The following ZNF410 variants were observed in gnomAD, a reference collection of about 807,000 sequenced individuals.
ZNF410 encodes zinc finger protein 410.
A neutral mutation model predicts 54.8 loss-of-function variants in ZNF410; 18 were observed. The observed-to-expected ratio is 0.33, with a 90% confidence interval of 0.23 to 0.49. The LOEUF (loss-of-function observed/expected upper bound fraction) is 0.49, where lower values mean the gene tolerates loss of function less well. ZNF410 is among the 20% of genes least tolerant of loss of function. The pLI is 0.99. For synonymous variants in ZNF410, 191 were observed against 207.3 expected (o/e 0.92, Z 0.68); for missense variants, 405 against 569.6 (o/e 0.71, Z 2.94).
intron 7 of ZNF410, 35 bp downstream of exon 7, chr14:73,905,118 G>A (rs1444641628): frequency 6.3e-7 from 1 of 1,588,484 alleles, no homozygotes; most frequent in Admixed American, 1.8e-5. Context: ...TGGGCAGTCT[G>A]CTCCTTGGCT....
chr14:73,895,681 C>G (rs2055306481), intron 3 of ZNF410, among the ~76,000 whole-genome samples: 1 of 152,060 alleles, frequency 6.6e-6, no homozygotes, highest in Admixed American at 6.5e-5. Flanking sequence ...CACAATATTA[C>G]AGGCCGGGCG....
chr14:73,914,355 G>C (rs1175043655), intron 8 of ZNF410: 1 of 152,220 alleles, frequency 6.6e-6, no homozygotes, highest in Non-Finnish European at 1.5e-5. Flanking sequence ...TGTATTTTTG[G>C]TAGGGACGGG....
At position 73,904,061 on chromosome 14, in the gene ZNF410, C is replaced by T. The variant is rs891853400; in HGVS notation, c.682C>T (p.Arg228Trp). ...KLKCTVEGCD[R>W]TFVWPAHFKY... ...CAAGTGTACAGTTGAAGGTTGTGAC[C>T]GGACATTTGTATGGCCAGCTCACTT... Residue 228 changes from arginine (R) to tryptophan (W), a missense_variant, in exon 6 of 12, where the codon CGG becomes TGG. Arg to Trp is a moderately radical substitution (Grantham distance 101). Transcript: ENST00000555044. The T allele has an allele frequency of 1.2e-6, 2 of 1,613,978 alleles. No individual in the cohort carries two copies. The highest frequency in any genetic ancestry group is 1.7e-5 in the Admixed American group (1 of 59,976).
At chr14:73,918,188 G>T (rs2055698074) in intron 8 of ZNF410, among the ~76,000 whole-genome samples, 2 of 151,982 alleles carry the variant, frequency 1.3e-5, no homozygotes. Context: ...TTGGCTCAAT[G>T]AAACTTCCAC....
intron 5 of ZNF410, among the ~76,000 whole-genome samples, chr14:73,901,532 T>C (rs1267006145): frequency 6.6e-6 from 1 of 152,106 alleles, no homozygotes; most frequent in Non-Finnish European, 1.5e-5. Flanking sequence ...TGCCTTATTC[T>C]ATGTATTCAT....
rs574512551 is a variant in ZNF410, at chr14:73,909,536, A to C, written c.1003+106A>C. On this transcript the variant is annotated intron_variant, in intron 8 of 11. Transcript: ENST00000555044. Reference sequence around the variant, plus strand: ...ACTAAAAAGAAACAAACTGTTCACTATAAAGATAGAAAGCTTCTCATCATC... The same window carrying C: ...ACTAAAAAGAAACAAACTGTTCACTCTAAAGATAGAAAGCTTCTCATCATC... 4.1e-5 allele frequency: 36 copies of C among 874,098 alleles called. No homozygotes were observed. The Middle Eastern group carries it at 1.1e-3, about 28-fold the overall frequency. 54.1% of individuals were successfully genotyped at this position (874,098 alleles called of 1,614,324 possible). A position where few individuals can be genotyped will look rare whatever the true frequency, so the allele number is the denominator to read the frequency against.
intron 8 of ZNF410, among the ~76,000 whole-genome samples, chr14:73,910,479 C>T (rs1316947105): frequency 6.6e-6 from 1 of 152,136 alleles, no homozygotes; most frequent in Non-Finnish European, 1.5e-5. Flanking sequence ...CGTGGTGGCT[C>T]ACGCCTGTAA....
intron 9 of ZNF410, among the ~76,000 whole-genome samples, chr14:73,921,539 G>A (rs2055754585): frequency 6.6e-6 from 1 of 152,020 alleles, no homozygotes; most frequent in South Asian, 2.1e-4. Context: ...GTGCAGTGGC[G>A]CCATCTCGAC....
chr14:73,916,320 A>G (rs2055666493), intron 8 of ZNF410: 1 of 152,150 alleles, frequency 6.6e-6, no homozygotes, highest in African/African-American at 2.4e-5. Context: ...AGCTGGCACT[A>G]CAGGCGTCCA....
chr14:73,890,192 C>CT (rs35969764), intron 1 of ZNF410, among the ~76,000 whole-genome samples: 3,496 of 134,788 alleles, frequency 0.026, 46 homozygotes, highest in Middle Eastern at 0.077. Flanking sequence ...TATTCAGTTA[C>CT]TTTTTTTTTT....
At position 73,893,783 on chromosome 14, in the gene ZNF410, T is replaced by C; in HGVS notation, c.34-14T>C. ...ACAACTCGTATTTCTCAGTGTTGTC[T>C]TTTCTCCCCCCAGCTCCTGGTACAG... On this transcript the variant is annotated splice_polypyrimidine_tract_variant and intron_variant, in intron 2 of 11. Transcript: ENST00000555044. 1 of 1,591,266 alleles carries C rather than the reference T, an allele frequency of 6.3e-7. No homozygotes were observed.
At chr14:73,902,393 A>C (rs1191214421) in intron 5 of ZNF410, among the ~76,000 whole-genome samples, 1 of 152,126 alleles carries the variant, frequency 6.6e-6, no homozygotes, top group Non-Finnish European at 1.5e-5. Flanking sequence ...TCAAGTAAAC[A>C]CATTTTTAAA....
In ZNF410 at chr14:73,927,842, TTTTTTTAA is replaced by T. The variant is rs775506637; in HGVS notation, c.1399-3653_1399-3646del. ...ATTAATCAACCGGCAATTTTTTTTT[TTTTTTTAA>T]TTTTTTAGACGGAGTCTCACTCTGT... On this transcript the variant is annotated intron_variant, in intron 11 of 11. Coordinates refer to ENST00000555044, the MANE Select transcript of ZNF410 (RefSeq NM_021188.3). 192 of 154,032 alleles carry T rather than the reference TTTTTTTAA, an allele frequency of 1.2e-3. 7 individuals carry two copies. The South Asian group carries it at 0.031, about 25-fold the overall frequency. 9.5% of individuals were successfully genotyped at this position (154,032 alleles called of 1,614,324 possible).
At chr14:73,893,118 C>A (rs539017144) in intron 2 of ZNF410, among the ~76,000 whole-genome samples, 11 of 151,906 alleles carry the variant, frequency 7.2e-5, no homozygotes, top group Non-Finnish European at 1.5e-4. Flanking sequence ...TGGGTTAATG[C>A]GATAATTAAA....
chr14:73,919,327 C>A (rs923280223), intron 8 of ZNF410, among the ~76,000 whole-genome samples: 1 of 151,916 alleles, frequency 6.6e-6, no homozygotes, highest in African/African-American at 2.4e-5. Flanking sequence ...TCAGGGGGTA[C>A]ATGTGCAGGT....
Position 73,931,687 on chromosome 14 carries a change from A to G in ZNF410, c.*146A>G, listed in dbSNP as rs2055918401. On this transcript the variant is annotated 3_prime_UTR_variant, in exon 12 of 12. Transcript: ENST00000555044. The stretch of plus-strand genomic sequence containing the variant: ...TTTGCCACTCTTCCTCTTTCCTGGT[A>G]TAGAAGATGGATGTAGGAGAGCTTC... 3 of 706,204 alleles carry G rather than the reference A, an allele frequency of 4.2e-6. No homozygotes were observed. Among genetic ancestry groups the G allele is most frequent in the Non-Finnish European group, 7.4e-6 (3 of 406,614 alleles). The allele number at this position is 706,204 out of a possible 1,614,324, so 43.7% of individuals were successfully genotyped here.
chr14:73,922,178 T>A lies in ZNF410; in HGVS notation c.1242T>A (p.Asn414Lys). ...GTGGAGAGTCCTTGAACCTACCAAA[T>A]ACCAATTCTATCCTGGGAGTTGATG... ...SLGGESLNLP[N>K]TNSILGVDDE... Residue 414 changes from asparagine (N) to lysine (K), a missense_variant, in exon 10 of 12, where the codon AAT becomes AAA. Physicochemically the swap from Asn to Lys is moderately conservative, Grantham distance 94. Coordinates refer to ENST00000555044, the MANE Select transcript of ZNF410 (RefSeq NM_021188.3). The A allele has an allele frequency of 6.2e-7, 1 of 1,614,012 alleles. No individual in the cohort carries two copies. Among genetic ancestry groups the A allele is most frequent in the Non-Finnish European group, 8.5e-7 (1 of 1,179,966 alleles).
intron 5 of ZNF410, among the ~76,000 whole-genome samples, chr14:73,901,903 C>A: frequency 6.7e-6 from 1 of 148,658 alleles, no homozygotes; most frequent in African/African-American, 2.5e-5. Flanking sequence ...CACTGGATTC[C>A]AGCCTGGGCA....
intron 8 of ZNF410, among the ~76,000 whole-genome samples, chr14:73,918,994 G>A (rs1042289992): frequency 2.3e-5 from 3 of 130,110 alleles, no homozygotes; most frequent in East Asian, 2.5e-4. Context: ...CACCGTGCCC[G>A]GCCTTTTTTT....
Sources: gnomAD v4.1 joint callset for allele counts (sites outside exome capture counted in the v4.1 genomes callset) on GRCh38, gnomAD v4.1.1 for gene constraint, MANE v1.5 for transcripts, NCBI Gene and HGNC (gene_info 2026-07-23, HGNC 2026-07-21) for gene names.